The following MBOAT4 variants were observed in gnomAD, a reference collection of about 807,000 sequenced individuals.
MBOAT4 encodes the protein membrane bound ghrelin O-acyltransferase MBOAT4.
Under a neutral mutation model 13.2 loss-of-function variants are expected in MBOAT4, and 11 were observed. The observed-to-expected ratio is 0.84, with a 90% CI of 0.53 to 1.38. The LOEUF is 1.38. Among genes scored for constraint, MBOAT4 ranks in the 40% most tolerant of loss-of-function variants. The probability of loss-of-function intolerance (pLI) is 0.00; values close to 1 mark genes in which losing one functional copy is unlikely to be tolerated. For missense variants in MBOAT4, 481 were observed against 527.2 expected (o/e 0.91, Z 0.86); for synonymous variants, 202 against 210.3 (o/e 0.96, Z 0.34).
At chr8:30,137,276 G>T in intron 2 of MBOAT4, 2 of 1,551,348 alleles carry the variant, frequency 1.3e-6, no homozygotes, top group African/African-American at 1.4e-5. Context: ...TTCTAGATGG[G>T]GCGCCTACCC....
At chr8:30,138,084 A>G (rs1466372722) in intron 2 of MBOAT4, 1 of 170,242 alleles carries the variant, frequency 5.9e-6, no homozygotes, top group Admixed American at 5.5e-5. Flanking sequence ...CTCCAACCCA[A>G]CCAAGCGGCA....
intron 2 of MBOAT4, chr8:30,137,169 A>G: frequency 2.3e-6 from 2 of 883,852 alleles, no homozygotes; most frequent in Non-Finnish European, 3.5e-6. Flanking sequence ...GGAACATGAG[A>G]TCTCCAGATC....
chr8:30,138,092 G>T, intron 2 of MBOAT4: 1 of 170,612 alleles, frequency 5.9e-6, no homozygotes, highest in Non-Finnish European at 1.3e-5. Flanking sequence ...CAACCAAGCG[G>T]CACTGTCAAC....
chr8:30,132,377 T>A lies in MBOAT4; in HGVS notation c.874A>T (p.Thr292Ser), dbSNP rs150825663. 6.4e-6 allele frequency: 10 copies of A among 1,551,704 alleles called. No homozygotes were observed. Among genetic ancestry groups the A allele is most frequent in the Non-Finnish European group, 8.7e-6 (10 of 1,147,016 alleles). The change falls in exon 3 of 3, where the codon ACC becomes TCC. Residue 292 changes from threonine to serine, a missense_variant. By Grantham distance (58) the Thr-to-Ser change is moderately conservative. Coordinates refer to ENST00000320542, the MANE Select transcript of MBOAT4 (RefSeq NM_001100916.2). Reference sequence around the variant, plus strand: ...GATATCCTGTGGGTTCTTTCCAGGGTCCAGATGTCTGCATCGGGGACATAT... The same window carrying A: ...GATATCCTGTGGGTTCTTTCCAGGGACCAGATGTCTGCATCGGGGACATAT... ...EGYVPDADIWTLERTHRISVF... is the reference protein window; with the variant it reads ...EGYVPDADIWSLERTHRISVF...
In MBOAT4 at chr8:30,132,138, G is replaced by A. The variant is rs376969389; in HGVS notation, c.1113C>T (p.Ser371=). The change falls in exon 3 of 3, where the codon TCC becomes TCT. Residue 371 remains serine, a synonymous_variant. Coordinates refer to ENST00000320542, the MANE Select transcript of MBOAT4 (RefSeq NM_001100916.2). ...TTCTATAGAACAGCCTCATCGGCCA[G>A]GATCTGATAAACTCATTGGCAAAGG... ...IHSFANEFIR[S]WPMRLFYRTL... is the part of the protein sequence containing the mutation. 1 of 1,551,778 alleles carries A rather than the reference G, an allele frequency of 6.4e-7. No homozygotes were observed.
At position 30,132,838 on chromosome 8, in the gene MBOAT4, C is replaced by T; in HGVS notation, c.413G>A (p.Cys138Tyr). The change falls in exon 3 of 3, where the codon TGT (cysteine) becomes TAT (tyrosine). Residue 138 changes from cysteine to tyrosine, a missense_variant. Transcript: ENST00000320542. ...AGATGCTGCCTTCACTTTCCCCTCACAAATGTCCAGAGAGAGGGACGTGAC... is the reference window on the plus strand; with the variant it reads ...AGATGCTGCCTTCACTTTCCCCTCATAAATGTCCAGAGAGAGGGACGTGAC... ...QRVTSLSLDI[C>Y]EGKVKAASGG... The T allele has an allele frequency of 6.4e-7, 1 of 1,551,682 alleles. No homozygotes were observed. Among genetic ancestry groups the T allele is most frequent in the Non-Finnish European group, 8.7e-7 (1 of 1,146,976 alleles).
At chr8:30,139,291 C>CTT (rs1554486372) in intron 1 of MBOAT4, among the ~76,000 whole-genome samples, 1 of 151,582 alleles carries the variant, frequency 6.6e-6, no homozygotes. Context: ...GGCCCTGGAA[C>CTT]CTCTCTTTGA....
intron 2 of MBOAT4, chr8:30,137,509 C>T: frequency 6.5e-7 from 1 of 1,540,354 alleles, no homozygotes; most frequent in Non-Finnish European, 8.8e-7. Context: ...ATGACAACTA[C>T]TGCTCAGTGC....
chr8:30,137,513 T>C, intron 2 of MBOAT4: 1 of 1,534,648 alleles, frequency 6.5e-7, no homozygotes, highest in Non-Finnish European at 8.8e-7. Flanking sequence ...CAACTACTGC[T>C]CAGTGCCAGA....
rs912593370 is a variant in MBOAT4, at chr8:30,131,930, C to T, written c.*13G>A. On this transcript the variant is annotated 3_prime_UTR_variant, in exon 3 of 3. Coordinates refer to ENST00000320542, the MANE Select transcript of MBOAT4 (RefSeq NM_001100916.2). Reference sequence around the variant, plus strand: ...GTTTCCTGGGTGTTTAAGGTGAAAGCCAGGGAAAGATGTCAGTTACATTTG... The same window carrying T: ...GTTTCCTGGGTGTTTAAGGTGAAAGTCAGGGAAAGATGTCAGTTACATTTG... The T allele has an allele frequency of 1.0e-5, 16 of 1,535,646 alleles. No homozygotes were observed. The highest frequency in any genetic ancestry group is 1.4e-5 in the Non-Finnish European group (16 of 1,136,626).
chr8:30,132,072 G>A lies in MBOAT4; in HGVS notation c.1179C>T (p.Ile393=), dbSNP rs1446048052. The A allele has an allele frequency of 1.9e-6, 3 of 1,551,774 alleles. No individual in the cohort carries two copies. The highest frequency in any genetic ancestry group is 2.6e-6 in the Non-Finnish European group (3 of 1,147,018). Residue 393 remains isoleucine, a synonymous_variant, in exon 3 of 3, where the codon ATC becomes ATT. Coordinates refer to ENST00000320542, the MANE Select transcript of MBOAT4 (RefSeq NM_001100916.2). ...GACTCCTGACCTCCACAGCCAGCAT[G>A]ATGTAGGCAATGATCAACTGGGTGT... ...WAHTQLIIAY[I]MLAVEVRSLS...
chr8:30,137,342 A>G, intron 2 of MBOAT4: 4 of 1,551,712 alleles, frequency 2.6e-6, no homozygotes, highest in Non-Finnish European at 2.6e-6. Context: ...CTGACACAGC[A>G]GCTGCCTCTC....
At chr8:30,134,429 C>CAAAACAAAAAAA (rs897296585) in intron 2 of MBOAT4, among the ~76,000 whole-genome samples, 2 of 144,858 alleles carry the variant, frequency 1.4e-5, no homozygotes, top group Non-Finnish European at 3.0e-5. Context: ...CTCAAAAAAA[C>CAAAACAAAAAAA]AAAACAAAAA....
chr8:30,132,589 G>T lies in MBOAT4; in HGVS notation c.662C>A (p.Ala221Glu), dbSNP rs1424672742. 6.4e-7 allele frequency: 1 copy of T among 1,551,758 alleles called. No homozygotes were observed. Among genetic ancestry groups the T allele is most frequent in the South Asian group, 1.2e-5 (1 of 84,068 alleles). Residue 221 changes from alanine to glutamate, a missense_variant, in exon 3 of 3, where the codon GCA (alanine) becomes GAA (glutamate). Ala to Glu is a moderately radical substitution (Grantham distance 107). Coordinates refer to ENST00000320542, the MANE Select transcript of MBOAT4 (RefSeq NM_001100916.2). ...TCCTGCATCCACCACCCTGCTCACT[G>T]CCACGTTTAGGCATTCTAGTCCAAG... ...QILGLECLNVAVSRVVDAGAG... is the reference protein window; with the variant it reads ...QILGLECLNVEVSRVVDAGAG...
At chr8:30,143,544 A>G (rs1243076051) in intron 1 of MBOAT4, among the ~76,000 whole-genome samples, 1 of 152,154 alleles carries the variant, frequency 6.6e-6, no homozygotes, top group Non-Finnish European at 1.5e-5. Flanking sequence ...ATAAAATCTT[A>G]TATGAGCAAT....
At chr8:30,140,777 A>T (rs560653852) in intron 1 of MBOAT4, among the ~76,000 whole-genome samples, 1 of 152,276 alleles carries the variant, frequency 6.6e-6, no homozygotes, top group South Asian at 2.1e-4. Context: ...ACTCCTTTGA[A>T]TGGGTAGCTG....
chr8:30,136,708 G>A (rs192968367), intron 2 of MBOAT4, among the ~76,000 whole-genome samples: 2 of 149,862 alleles, frequency 1.3e-5, no homozygotes, highest in Admixed American at 1.3e-4. Flanking sequence ...AGCCTTTGGT[G>A]AAAATAGTCT....
chr8:30,143,347 CAAA>C (rs776274086), intron 1 of MBOAT4, among the ~76,000 whole-genome samples: 2 of 143,514 alleles, frequency 1.4e-5, no homozygotes, highest in African/African-American at 5.6e-5. Context: ...GACTCCGTCT[CAAA>C]AAAAAAAAAA....
intron 2 of MBOAT4, chr8:30,137,367 GAGA>G: frequency 6.4e-7 from 1 of 1,551,696 alleles, no homozygotes; most frequent in South Asian, 1.2e-5. Flanking sequence ...CAGCCGCCAT[GAGA>G]AGATTGTTAC....
Sources: allele counts gnomAD v4.1 joint callset (sites outside exome capture counted in the v4.1 genomes callset), GRCh38; gene constraint gnomAD v4.1.1; transcripts MANE v1.5; gene names NCBI Gene and HGNC (gene_info 2026-07-23, HGNC 2026-07-21).